Variants in TNKS observed in about 807,000 individuals in gnomAD.
TNKS encodes tankyrase.
TNKS carries 72 observed loss-of-function variants against 135.8 expected under a neutral mutation model. The ratio of observed to expected loss-of-function variants is 0.53; its 90% confidence interval spans 0.44 to 0.64. The LOEUF is 0.64. Ranked by LOEUF, TNKS falls within the 30% of genes least tolerant of loss-of-function variation. TNKS has a pLI of 0.00. For synonymous variants in TNKS, 849 were observed against 649.3 expected (o/e 1.31, Z -4.68); for missense variants, 1,769 against 1,674.0 (o/e 1.06, Z -0.99).
At chr8:9,556,643 T>A (rs768136152) in intron 1 of TNKS, 31 bp downstream of exon 1, 3 of 1,611,240 alleles carry the variant, frequency 1.9e-6, no homozygotes, top group Non-Finnish European at 2.5e-6. Flanking sequence ...TTATTAAGGG[T>A]TATGGGTTTG....
intron 3 of TNKS, among the ~76,000 whole-genome samples, chr8:9,616,537 A>G (rs546922770): frequency 6.6e-6 from 1 of 152,334 alleles, no homozygotes; most frequent in South Asian, 2.1e-4. Context: ...GGTCGAAGAA[A>G]ATAAATATTT....
In TNKS at chr8:9,607,761, T is replaced by C. The variant is rs775778660; in HGVS notation, c.899-7821T>C. 5.5e-4 allele frequency among the ~76,000 whole-genome samples: 84 copies of C among 152,328 alleles called. 1 individual carries two copies. The highest frequency in any genetic ancestry group is 9.4e-4 in the Non-Finnish European group (64 of 68,036). The stretch of plus-strand genomic sequence containing the variant: ...TTGGGAGCCCTTTATAAGTACTTTC[T>C]AATTCTTCACAGAGAATATTTTAAA... On this transcript the variant is annotated intron_variant, in intron 2 of 26. Transcript: ENST00000310430.
chr8:9,726,769 A>G, intron 13 of TNKS, 49 bp downstream of exon 13: 1 of 1,429,570 alleles, frequency 7.0e-7, no homozygotes. Context: ...AACTTTGCTA[A>G]CCAATTCATT....
chr8:9,768,697 G>T (rs1020558895), intron 25 of TNKS, among the ~76,000 whole-genome samples: 37 of 152,212 alleles, frequency 2.4e-4, no homozygotes, highest in Admixed American at 2.4e-3. Flanking sequence ...TTTGTGTGAC[G>T]TAAGAGACTA....
intron 7 of TNKS, among the ~76,000 whole-genome samples, chr8:9,706,529 A>G (rs909545024): frequency 6.6e-6 from 1 of 152,130 alleles, no homozygotes; most frequent in Admixed American, 6.6e-5. Context: ...CGCACAGCTA[A>G]TTTTTATGTT....
At chr8:9,577,553 A>G (rs981838235) in intron 1 of TNKS, among the ~76,000 whole-genome samples, 1 of 152,164 alleles carries the variant, frequency 6.6e-6, no homozygotes, top group African/African-American at 2.4e-5. Flanking sequence ...AGAGGAGAGC[A>G]GGAGGAGGTG....
chr8:9,690,665 G>A (rs962584468), intron 5 of TNKS, among the ~76,000 whole-genome samples: 1 of 152,022 alleles, frequency 6.6e-6, no homozygotes, highest in African/African-American at 2.4e-5. Context: ...TGAGGCAGGA[G>A]AATCATTTGA....
At chr8:9,604,024 T>A (rs10112600) in intron 2 of TNKS, among the ~76,000 whole-genome samples, 43,846 of 151,970 alleles carry the variant, frequency 0.29, 6,623 homozygotes, top group East Asian at 0.39. Context: ...GAAGTAAAAT[T>A]CTTTAAAAAT....
chr8:9,646,642 A>G (rs1800930079), intron 3 of TNKS, among the ~76,000 whole-genome samples: 1 of 152,236 alleles, frequency 6.6e-6, no homozygotes, highest in Non-Finnish European at 1.5e-5. Context: ...CTCAAGGTTA[A>G]ATGGGACCTT....
chr8:9,606,309 T>G (rs537406993), intron 2 of TNKS, among the ~76,000 whole-genome samples: 1 of 152,054 alleles, frequency 6.6e-6, no homozygotes. Context: ...TTCTGTTCTG[T>G]TGGTTTACAT....
chr8:9,617,606 A>G (rs577379151), intron 3 of TNKS, among the ~76,000 whole-genome samples: 1 of 152,208 alleles, frequency 6.6e-6, no homozygotes, highest in East Asian at 1.9e-4. Flanking sequence ...TTTTCTGCCC[A>G]TACAGGTTCT....
At chr8:9,602,218 G>A (rs961368765) in intron 2 of TNKS, among the ~76,000 whole-genome samples, 2 of 152,156 alleles carry the variant, frequency 1.3e-5, no homozygotes, top group Admixed American at 6.5e-5. Flanking sequence ...TGTTAAAGAT[G>A]CAACAAGCCA....
intron 3 of TNKS, among the ~76,000 whole-genome samples, chr8:9,640,102 A>T (rs1430501835): frequency 6.6e-6 from 1 of 152,248 alleles, no homozygotes; most frequent in Non-Finnish European, 1.5e-5. Flanking sequence ...TATCTTGATT[A>T]TACCAAAGTT....
chr8:9,673,138 G>A (rs1184018347), intron 3 of TNKS, among the ~76,000 whole-genome samples: 1 of 152,056 alleles, frequency 6.6e-6, no homozygotes, highest in Admixed American at 6.5e-5. Flanking sequence ...TCAGAAACAA[G>A]TACAAATGAT....
intron 13 of TNKS, 98 bp downstream of exon 13, chr8:9,726,818 A>G (rs1055988776): frequency 1.0e-6 from 1 of 958,800 alleles, no homozygotes; most frequent in Non-Finnish European, 1.6e-6. Context: ...TACAAACAGT[A>G]AAAAGGATGA....
At chr8:9,751,466 G>A (rs1277293942) in intron 18 of TNKS, 143 bp from the exon 19 acceptor site, 7 of 638,300 alleles carry the variant, frequency 1.1e-5, no homozygotes. Flanking sequence ...GCTGTGGATA[G>A]GAGAAGGAAT....
intron 20 of TNKS, 136 bp from the exon 21 acceptor site, chr8:9,761,380 A>G: frequency 1.2e-6 from 1 of 835,506 alleles, no homozygotes; most frequent in Non-Finnish European, 1.8e-6. Context: ...AAAAAATTGT[A>G]AGCTCATGTT....
chr8:9,664,810 A>G (rs1431848044), intron 3 of TNKS, among the ~76,000 whole-genome samples: 2 of 152,246 alleles, frequency 1.3e-5, no homozygotes, highest in Non-Finnish European at 2.9e-5. Flanking sequence ...TCATGACTCT[A>G]GAAGAGACCT....
intron 1 of TNKS, among the ~76,000 whole-genome samples, chr8:9,572,356 T>C (rs919274737): frequency 6.6e-6 from 1 of 152,256 alleles, no homozygotes; most frequent in Admixed American, 6.5e-5. Flanking sequence ...TTTGTTGTTG[T>C]TAGACTTTGC....
Sources: gnomAD v4.1 joint callset for allele counts (sites outside exome capture counted in the v4.1 genomes callset) on GRCh38, gnomAD v4.1.1 for gene constraint, MANE v1.5 for transcripts, NCBI Gene and HGNC (gene_info 2026-07-23, HGNC 2026-07-21) for gene names.